PBX4: variants seen among roughly 807,000 people sequenced by gnomAD.
PBX4 encodes PBX homeobox 4.
A neutral mutation model predicts 35.1 loss-of-function variants in PBX4; 26 were observed. That is an observed-to-expected ratio of 0.74 (90% CI 0.54 to 1.03). The LOEUF (loss-of-function observed/expected upper bound fraction) is 1.03, where lower values mean the gene tolerates loss of function less well. Among genes scored for constraint, PBX4 ranks in the 50% least tolerant of loss-of-function variants. The pLI is 0.00. For missense variants in PBX4, 448 were observed against 504.3 expected, an observed-to-expected ratio of 0.89 and a Z score of 1.07; for synonymous variants, 199 against 204.2, an observed-to-expected ratio of 0.97 and a Z score of 0.22.
chr19:19,566,763 T>G (rs1389215223), intron 5 of PBX4, among the ~76,000 whole-genome samples: 1 of 143,504 alleles, frequency 7.0e-6, no homozygotes, highest in Non-Finnish European at 1.5e-5. Flanking sequence ...GAGTGTGGAG[T>G]GCAGTGGTGC....
intron 2 of PBX4, among the ~76,000 whole-genome samples, chr19:19,579,155 C>T (rs1300353516): frequency 1.3e-5 from 2 of 152,088 alleles, no homozygotes; most frequent in African/African-American, 4.8e-5. Context: ...TCGAGACCAT[C>T]CTGGCCAATA....
intron 5 of PBX4, among the ~76,000 whole-genome samples, chr19:19,567,587 T>C (rs1428672062): frequency 2.6e-5 from 4 of 152,170 alleles, no homozygotes; most frequent in African/African-American, 9.7e-5. Flanking sequence ...ACCCAGGCCC[T>C]GTTCCACACA....
intron 2 of PBX4, among the ~76,000 whole-genome samples, chr19:19,574,788 C>T (rs2061408834): frequency 6.6e-6 from 1 of 152,072 alleles, no homozygotes; most frequent in South Asian, 2.1e-4. Context: ...GCATGCGCCA[C>T]CACGCCTGGC....
intron 1 of PBX4, among the ~76,000 whole-genome samples, chr19:19,607,434 C>A (rs1436447709): frequency 1.3e-5 from 2 of 152,142 alleles, no homozygotes; most frequent in Non-Finnish European, 2.9e-5. Flanking sequence ...TTTAAATTGA[C>A]TTCCAAGGAG....
chr19:19,567,947 TCTCAGGGAGCTCACACTCCATCTCTGTCC>T (rs1466309197), intron 5 of PBX4, among the ~76,000 whole-genome samples: 3 of 93,494 alleles, frequency 3.2e-5, no homozygotes, highest in East Asian at 3.6e-4. Flanking sequence ...CATCTGTATC[TCTCAGGGAGCTCACACTCCATCTCTGTCC>T]CTCAGGGAGC....
chr19:19,590,470 C>CT (rs552985140), intron 2 of PBX4, among the ~76,000 whole-genome samples: 2,766 of 139,970 alleles, frequency 0.02, 90 homozygotes, highest in African/African-American at 0.063. Flanking sequence ...TGTTTTCTTT[C>CT]TTTTTTTTTT....
At chr19:19,576,311 C>T (rs1472699404) in intron 2 of PBX4, among the ~76,000 whole-genome samples, 3 of 152,144 alleles carry the variant, frequency 2.0e-5, no homozygotes, top group Non-Finnish European at 1.5e-5. Flanking sequence ...CTGCAACCTC[C>T]GACTCCTTGG....
intron 2 of PBX4, among the ~76,000 whole-genome samples, chr19:19,585,009 C>A (rs1323175686): frequency 6.6e-6 from 1 of 152,122 alleles, no homozygotes; most frequent in African/African-American, 2.4e-5. Flanking sequence ...GGAGCCCAGC[C>A]TGTTTGTATT....
intron 2 of PBX4, among the ~76,000 whole-genome samples, chr19:19,595,012 G>A (rs1014869522): frequency 2.6e-5 from 4 of 152,096 alleles, no homozygotes; most frequent in Admixed American, 1.3e-4. Context: ...GTGAGCCACC[G>A]CACCCAGCCT....
intron 1 of PBX4, among the ~76,000 whole-genome samples, chr19:19,614,506 A>G (rs2144798120): frequency 6.6e-6 from 1 of 151,426 alleles, no homozygotes; most frequent in African/African-American, 2.4e-5. Flanking sequence ...GTGGTGGTGC[A>G]CACCTGTAAT....
At chr19:19,596,119 C>T (rs188625738) in intron 2 of PBX4, among the ~76,000 whole-genome samples, 2 of 151,928 alleles carry the variant, frequency 1.3e-5, no homozygotes, top group South Asian at 2.1e-4. Context: ...AAGCTGGGTG[C>T]GGTGGATCAC....
chr19:19,565,104 G>C lies in PBX4; in HGVS notation c.769-15C>G. On this transcript the variant is annotated splice_polypyrimidine_tract_variant and intron_variant, in intron 5 of 7. Coordinates refer to ENST00000251203, the MANE Select transcript of PBX4 (RefSeq NM_025245.3). ...CAGTTAGAGACCTGCGGACACACAG[G>C]AGTCACTGGAGGAGCTGACCCAGCG... 1 of 1,614,038 alleles carries C rather than the reference G, an allele frequency of 6.2e-7. No homozygotes were observed.
chr19:19,613,987 G>A (rs1470636742), intron 1 of PBX4, among the ~76,000 whole-genome samples: 2 of 152,122 alleles, frequency 1.3e-5, no homozygotes, highest in African/African-American at 4.8e-5. Flanking sequence ...GCTCCAAGAA[G>A]GCAGAGAACA....
chr19:19,589,573 C>T (rs2061513598), intron 2 of PBX4, among the ~76,000 whole-genome samples: 1 of 152,078 alleles, frequency 6.6e-6, no homozygotes, highest in African/African-American at 2.4e-5. Flanking sequence ...AGTTCGAAAC[C>T]AGCCTGGCCA....
Position 19,569,533 on chromosome 19 carries a change from A to C in PBX4, c.684T>G (p.Tyr228Ter). 6.2e-7 allele frequency: 1 copy of C among 1,613,858 alleles called. No homozygotes were observed. The highest frequency in any genetic ancestry group is 8.5e-7 in the Non-Finnish European group (1 of 1,179,880). Reference protein sequence around the residue: ...SKQATEVLNEYFYSHLNNPYP... With the variant: ...SKQATEVLNE ...AAGGGTTGTTCAGATGGGAGTAAAA[A>C]TACTCATTCAGCACTTCCGTCGCCT... The change falls in exon 5 of 8, where the codon TAT becomes TAG. Residue 228 changes from tyrosine to a stop codon, truncating the protein, a stop_gained. Transcript: ENST00000251203. LOFTEE classifies it high-confidence loss of function.
intron 1 of PBX4, among the ~76,000 whole-genome samples, chr19:19,605,840 A>ATTT (rs71338333): frequency 2.0e-4 from 24 of 123,048 alleles, no homozygotes; most frequent in African/African-American, 4.8e-4. Flanking sequence ...AGGCTCTAGG[A>ATTT]TTTTTTTTTT....
chr19:19,568,243 G>C (rs564326024), intron 5 of PBX4, among the ~76,000 whole-genome samples: 2 of 144,772 alleles, frequency 1.4e-5, no homozygotes, highest in African/African-American at 5.2e-5. Flanking sequence ...GTATCCCTCA[G>C]GGAGCTCACA....
chr19:19,604,156 C>T (rs1306188912), intron 1 of PBX4, among the ~76,000 whole-genome samples: 1 of 151,988 alleles, frequency 6.6e-6, no homozygotes, highest in Admixed American at 6.6e-5. Context: ...AATAACTTCA[C>T]AACAGAAATC....
chr19:19,577,210 A>AC (rs1240462172), intron 2 of PBX4, among the ~76,000 whole-genome samples: 1 of 152,020 alleles, frequency 6.6e-6, no homozygotes, highest in Non-Finnish European at 1.5e-5. Flanking sequence ...AAAAAAAAAA[A>AC]AACTCTCAAA....
Sources: gnomAD v4.1 joint callset for allele counts (sites outside exome capture counted in the v4.1 genomes callset) on GRCh38, gnomAD v4.1.1 for gene constraint, MANE v1.5 for transcripts, NCBI Gene and HGNC (gene_info 2026-07-23, HGNC 2026-07-21) for gene names.